The following ARHGAP42 variants were observed in gnomAD, a reference collection of about 807,000 sequenced individuals.
ARHGAP42 encodes Rho GTPase activating protein 42.
ARHGAP42 carries 63 observed loss-of-function variants against 125.0 expected under a neutral mutation model. That is an observed-to-expected ratio of 0.50 (90% CI 0.41 to 0.62). The LOEUF (loss-of-function observed/expected upper bound fraction) is 0.62. ARHGAP42 is among the 20% of genes least tolerant of loss of function. The pLI, the probability that ARHGAP42 is intolerant of heterozygous loss-of-function variation, is 0.00. For missense variants in ARHGAP42, 766 were observed against 1,024.2 expected (o/e 0.75, Z 3.44); for synonymous variants, 339 against 351.0 (o/e 0.97, Z 0.38).
intron 1 of ARHGAP42, among the ~76,000 whole-genome samples, chr11:100,724,626 T>G (rs1861823111): frequency 6.6e-6 from 1 of 151,976 alleles, no homozygotes; most frequent in South Asian, 2.1e-4. Flanking sequence ...TTTATTATCA[T>G]TTCAGTACCC....
At chr11:100,919,760 T>C (rs1347229280) in intron 5 of ARHGAP42, among the ~76,000 whole-genome samples, 2 of 152,106 alleles carry the variant, frequency 1.3e-5, no homozygotes, top group Non-Finnish European at 2.9e-5. Context: ...TAGAATAGTG[T>C]CCCTAAAACT....
At chr11:100,982,213 G>A (rs1858561948) in intron 22 of ARHGAP42, among the ~76,000 whole-genome samples, 1 of 152,164 alleles carries the variant, frequency 6.6e-6, no homozygotes, top group Non-Finnish European at 1.5e-5. Context: ...TGCAAAAAAT[G>A]GTTTAGGAGA....
rs971427109 is a variant in ARHGAP42 at position 100,796,833 on chromosome 11, G to A, written c.312+1667G>A. Among the ~76,000 whole-genome samples, 8 of 146,670 alleles carry A rather than the reference G, an allele frequency of 5.5e-5. No individual in the cohort carries two copies. The East Asian group carries it at 6.1e-4, about 11-fold the overall frequency. ...CGTCCAGGCTGGAGTGCAGTGGCGCGATCTTTGCTCACTGCAACCTCTGCC... is the reference window on the plus strand; with the variant it reads ...CGTCCAGGCTGGAGTGCAGTGGCGCAATCTTTGCTCACTGCAACCTCTGCC... On this transcript the variant is annotated intron_variant, in intron 3 of 23. Transcript: ENST00000298815.
intron 17 of ARHGAP42, among the ~76,000 whole-genome samples, chr11:100,967,619 C>T (rs989993312): frequency 6.6e-6 from 1 of 152,248 alleles, no homozygotes; most frequent in African/African-American, 2.4e-5. Flanking sequence ...GTTTGGAAAG[C>T]CCACTTAGGA....
chr11:100,907,103 G>A (rs1565269875), intron 4 of ARHGAP42, among the ~76,000 whole-genome samples: 1 of 152,178 alleles, frequency 6.6e-6, no homozygotes. Flanking sequence ...CCCATCAGTA[G>A]TACCTAAGGG....
At chr11:100,697,975 A>G (rs1861315955) in intron 1 of ARHGAP42, among the ~76,000 whole-genome samples, 1 of 152,160 alleles carries the variant, frequency 6.6e-6, no homozygotes, top group Non-Finnish European at 1.5e-5. Context: ...TGAAAAAGTT[A>G]CTCTGTAATA....
rs373036794 is a variant in ARHGAP42 at position 100,736,915 on chromosome 11, A to T, written c.155-33428A>T. On this transcript the variant is annotated intron_variant, in intron 1 of 23. Transcript: ENST00000298815. ...TTCCTGACTCCAGGAAACACCAGGG[A>T]TAGAAGAACAAGGTCAGCAACACTT... Among the ~76,000 whole-genome samples the T allele has an allele frequency of 1.5e-4, 23 of 152,346 alleles. No individual in the cohort carries two copies. In the East Asian group the frequency reaches 2.9e-3, roughly 19 times the overall value.
intron 2 of ARHGAP42, among the ~76,000 whole-genome samples, chr11:100,770,711 G>T (rs1483943627): frequency 2.0e-5 from 3 of 152,088 alleles, no homozygotes; most frequent in African/African-American, 7.2e-5. Context: ...CTGAGTAGCT[G>T]GGATTACAGG....
At chr11:100,893,916 G>A (rs556373156) in intron 4 of ARHGAP42, among the ~76,000 whole-genome samples, 1 of 151,816 alleles carries the variant, frequency 6.6e-6, no homozygotes, top group East Asian at 2.0e-4. Context: ...ACTGCAATGA[G>A]TTCATTATTA....
chr11:100,721,539 C>A (rs1439651477), intron 1 of ARHGAP42, among the ~76,000 whole-genome samples: 2 of 151,030 alleles, frequency 1.3e-5, no homozygotes, highest in Non-Finnish European at 2.9e-5. Flanking sequence ...GTGTCGTGAT[C>A]TTGGCTCACT....
intron 22 of ARHGAP42, among the ~76,000 whole-genome samples, chr11:100,980,454 A>G (rs927478563): frequency 1.3e-5 from 2 of 151,594 alleles, no homozygotes; most frequent in Non-Finnish European, 2.9e-5. Flanking sequence ...TAATCCCCGT[A>G]GAGCTTTAAG....
chr11:100,887,236 G>C (rs1231790543), intron 4 of ARHGAP42, among the ~76,000 whole-genome samples: 1 of 152,146 alleles, frequency 6.6e-6, no homozygotes, highest in Non-Finnish European at 1.5e-5. Context: ...TATGGACCCA[G>C]TACCGTGCTG....
intron 12 of ARHGAP42, among the ~76,000 whole-genome samples, chr11:100,957,494 T>C (rs1220403202): frequency 6.6e-6 from 1 of 152,086 alleles, no homozygotes; most frequent in Non-Finnish European, 1.5e-5. Context: ...ATACTAGAGC[T>C]GAGAATTGGC....
chr11:100,871,545 T>TA (rs35883788), intron 4 of ARHGAP42, among the ~76,000 whole-genome samples: 26,931 of 127,670 alleles, frequency 0.21, 2,691 homozygotes, highest in East Asian at 0.27. Context: ...GACTGTTTCT[T>TA]AAAAAAAAAA....
At position 100,921,633 on chromosome 11, in the gene ARHGAP42, G is replaced by A. The variant is rs776253382; in HGVS notation, c.597+29G>A. On this transcript the variant is annotated intron_variant, in intron 6 of 23. Coordinates refer to ENST00000298815, the MANE Select transcript of ARHGAP42 (RefSeq NM_152432.4). The stretch of plus-strand genomic sequence containing the variant: ...AGTTTCAGATTTTTGTATAAATGGT[G>A]GGCTCAAAACAATCTATGGAAAAAA... The A allele has an allele frequency of 9.4e-5, 128 of 1,364,020 alleles. 1 individual carries two copies. In the South Asian group the frequency reaches 1.2e-3, roughly 13 times the overall value. The allele number at this position is 1,364,020 out of a possible 1,614,324, so 84.5% of individuals were successfully genotyped here.
chr11:100,894,181 A>C (rs1866286826), intron 4 of ARHGAP42, among the ~76,000 whole-genome samples: 1 of 152,238 alleles, frequency 6.6e-6, no homozygotes, highest in Non-Finnish European at 1.5e-5. Flanking sequence ...GTATTCTGCC[A>C]AATAGTTCTT....
At chr11:100,848,489 T>C (rs1239445689) in intron 3 of ARHGAP42, among the ~76,000 whole-genome samples, 1 of 151,730 alleles carries the variant, frequency 6.6e-6, no homozygotes, top group African/African-American at 2.4e-5. Context: ...GGAGCTAACT[T>C]TTCTTTTTCT....
At chr11:100,923,747 A>T (rs1021733809) in intron 6 of ARHGAP42, among the ~76,000 whole-genome samples, 1 of 152,066 alleles carries the variant, frequency 6.6e-6, no homozygotes, top group Non-Finnish European at 1.5e-5. Context: ...GTCAAAATTG[A>T]TGTTATATTT....
At chr11:100,784,263 A>G (rs1565212759) in intron 2 of ARHGAP42, among the ~76,000 whole-genome samples, 1 of 152,226 alleles carries the variant, frequency 6.6e-6, no homozygotes, top group Non-Finnish European at 1.5e-5. Context: ...TTATGGCCAC[A>G]TCATGGGGGC....
Sources: gnomAD v4.1 joint callset for allele counts (sites outside exome capture counted in the v4.1 genomes callset) on GRCh38, gnomAD v4.1.1 for gene constraint, MANE v1.5 for transcripts, NCBI Gene and HGNC (gene_info 2026-07-23, HGNC 2026-07-21) for gene names.